The following MAP3K21 variants were observed in gnomAD, a reference collection of about 807,000 sequenced individuals.
MAP3K21 encodes the protein mitogen-activated protein kinase kinase kinase 21.
Under a neutral mutation model 86.1 loss-of-function variants are expected in MAP3K21, and 63 were observed. The observed-to-expected ratio is 0.73, with a 90% CI of 0.60 to 0.90. MAP3K21 has a LOEUF of 0.90. Among genes scored for constraint, MAP3K21 ranks in the 40% least tolerant of loss-of-function variants. The pLI is 0.00. For missense variants in MAP3K21, 1,220 were observed against 1,367.7 expected (o/e 0.89, Z 1.70); for synonymous variants, 558 against 564.8 (o/e 0.99, Z 0.17).
Position 233,327,962 on chromosome 1 carries a change from C to A in MAP3K21, c.-67C>A. ...CCGACGGCCACACCGCCGGACGATGCGCGCCCGCGGCCGCCCGGGAGGCTG... is the reference window on the plus strand; with the variant it reads ...CCGACGGCCACACCGCCGGACGATGAGCGCCCGCGGCCGCCCGGGAGGCTG... On this transcript the variant is annotated 5_prime_UTR_variant, in exon 1 of 10. Coordinates refer to ENST00000366624, the MANE Select transcript of MAP3K21 (RefSeq NM_032435.3). The A allele has an allele frequency of 2.5e-6, 3 of 1,206,038 alleles. No homozygotes were observed. The highest frequency in any genetic ancestry group is 6.7e-5 in the East Asian group (2 of 29,734). 74.7% of individuals were successfully genotyped at this position (1,206,038 alleles called of 1,614,324 possible).
rs1663958779 is a variant in MAP3K21, at chr1:233,383,541, C to A, written c.*830C>A. 1 of 151,916 alleles carries A rather than the reference C, an allele frequency of 6.6e-6. No homozygotes were observed. Among genetic ancestry groups the A allele is most frequent in the Non-Finnish European group, 1.5e-5 (1 of 67,992 alleles). 9.4% of individuals were successfully genotyped at this position (151,916 alleles called of 1,614,324 possible). On this transcript the variant is annotated 3_prime_UTR_variant, in exon 10 of 10. Coordinates refer to ENST00000366624, the MANE Select transcript of MAP3K21 (RefSeq NM_032435.3). ...TTTCCTATAGAAAACATTCTTCCTC[C>A]ATCAGTAGCCCTTTATTTGATATTC...
chr1:233,345,624 C>G (rs977134219), intron 1 of MAP3K21, among the ~76,000 whole-genome samples: 2 of 151,866 alleles, frequency 1.3e-5, no homozygotes, highest in Admixed American at 1.3e-4. Context: ...GGAGAAATAC[C>G]TAATGTAAAT....
intron 1 of MAP3K21, among the ~76,000 whole-genome samples, chr1:233,333,955 C>T (rs1284389538): frequency 6.6e-6 from 1 of 152,112 alleles, no homozygotes; most frequent in Non-Finnish European, 1.5e-5. Context: ...CTCCGTCTCC[C>T]GGGTTCACGC....
intron 6 of MAP3K21, chr1:233,372,762 A>G (rs185016244): frequency 1.3e-5 from 2 of 152,362 alleles, no homozygotes; most frequent in East Asian, 3.9e-4. Context: ...GATGAAATAA[A>G]ATTACTAATT....
intron 2 of MAP3K21, 81 bp downstream of exon 2, chr1:233,346,703 C>A: frequency 1.6e-6 from 2 of 1,257,206 alleles, no homozygotes; most frequent in Non-Finnish European, 2.2e-6. Flanking sequence ...TTCAGTAATT[C>A]TCAGCATAAA....
chr1:233,329,356 C>G (rs554606275), intron 1 of MAP3K21, among the ~76,000 whole-genome samples: 14 of 152,262 alleles, frequency 9.2e-5, no homozygotes, highest in African/African-American at 3.4e-4. Flanking sequence ...TGTTTTCATT[C>G]AAATGTCTCT....
chr1:233,374,699 GTA>G, intron 6 of MAP3K21, among the ~76,000 whole-genome samples: 1 of 148,440 alleles, frequency 6.7e-6, no homozygotes, highest in Non-Finnish European at 1.5e-5. Flanking sequence ...TCTCCTCTGT[GTA>G]TGTATGTGTG....
Position 233,328,421 on chromosome 1 carries a change from C to G in MAP3K21, c.393C>G (p.Gly131=). 1 of 1,493,572 alleles carries G rather than the reference C, an allele frequency of 6.7e-7. No individual in the cohort carries two copies. Among genetic ancestry groups the G allele is most frequent in the Non-Finnish European group, 8.9e-7 (1 of 1,129,830 alleles). 92.5% of individuals were successfully genotyped at this position (1,493,572 alleles called of 1,614,324 possible). ...FERLELKELI[G]AGGFGQVYRA... is the part of the protein sequence containing the mutation. ...GGCTGGAGCTGAAGGAGCTCATCGG[C>G]GCTGGGGGCTTCGGGCAGGTGTACC... is the stretch of plus-strand genomic sequence containing the variant. The change falls in exon 1 of 10, where the codon GGC becomes GGG. Residue 131 remains glycine, a synonymous_variant. Coordinates refer to ENST00000366624, the MANE Select transcript of MAP3K21 (RefSeq NM_032435.3). The surrounding 1 kb of genome is among the most constrained non-coding windows in gnomAD (Gnocchi z 8.7).
At chr1:233,349,442 G>A (rs1204098792) in intron 2 of MAP3K21, among the ~76,000 whole-genome samples, 2 of 152,032 alleles carry the variant, frequency 1.3e-5, no homozygotes, top group Non-Finnish European at 2.9e-5. Flanking sequence ...CCAGGTATAC[G>A]AATGCTGTGC....
intron 4 of MAP3K21, among the ~76,000 whole-genome samples, chr1:233,357,353 T>C (rs535157738): frequency 6.6e-6 from 1 of 151,558 alleles, no homozygotes; most frequent in Non-Finnish European, 1.5e-5. Flanking sequence ...TGTATACATA[T>C]GTAAGAAACC....
intron 5 of MAP3K21, among the ~76,000 whole-genome samples, 154 bp downstream of exon 5, chr1:233,362,447 T>C (rs1181789701): frequency 6.6e-6 from 1 of 152,162 alleles, no homozygotes; most frequent in Non-Finnish European, 1.5e-5. Flanking sequence ...GATTCATGGT[T>C]CTAATGTAAT....
At chr1:233,374,575 A>C (rs1470324279) in intron 6 of MAP3K21, among the ~76,000 whole-genome samples, 1 of 152,114 alleles carries the variant, frequency 6.6e-6, no homozygotes, top group Non-Finnish European at 1.5e-5. Flanking sequence ...AACATCATCC[A>C]CAATGTGTCC....
At chr1:233,333,964 G>C (rs1045105819) in intron 1 of MAP3K21, among the ~76,000 whole-genome samples, 2 of 152,092 alleles carry the variant, frequency 1.3e-5, no homozygotes, top group African/African-American at 4.8e-5. Flanking sequence ...CCGGGTTCAC[G>C]CCATTCTCCT....
intron 6 of MAP3K21, chr1:233,372,414 C>T: frequency 2.3e-6 from 1 of 435,684 alleles, no homozygotes; most frequent in Non-Finnish European, 4.0e-6. Context: ...GAAAGTGAAA[C>T]ACCACATCTC....
In MAP3K21 at chr1:233,327,975, G is replaced by T; in HGVS notation, c.-54G>T. On this transcript the variant is annotated 5_prime_UTR_variant, in exon 1 of 10. Transcript: ENST00000366624. ...CGCCGGACGATGCGCGCCCGCGGCC[G>T]CCCGGGAGGCTGAGCCCAGCTTCCC... 2 of 1,230,578 alleles carry T rather than the reference G, an allele frequency of 1.6e-6. No individual in the cohort carries two copies. The highest frequency in any genetic ancestry group is 2.0e-6 in the Non-Finnish European group (2 of 987,132). 76.2% of individuals were successfully genotyped at this position (1,230,578 alleles called of 1,614,324 possible).
chr1:233,346,956 G>A (rs956908915), intron 2 of MAP3K21, among the ~76,000 whole-genome samples: 2 of 152,154 alleles, frequency 1.3e-5, no homozygotes, highest in Non-Finnish European at 2.9e-5. Context: ...GCTCATTGTA[G>A]CCTCAACCTC....
chr1:233,331,221 A>G (rs887731662), intron 1 of MAP3K21, among the ~76,000 whole-genome samples: 9 of 152,242 alleles, frequency 5.9e-5, no homozygotes, highest in African/African-American at 9.6e-5. Context: ...TTTAATTTCT[A>G]TAATTGTCAG....
At chr1:233,361,178 C>T (rs953096609) in intron 4 of MAP3K21, among the ~76,000 whole-genome samples, 1 of 152,108 alleles carries the variant, frequency 6.6e-6, no homozygotes, top group Non-Finnish European at 1.5e-5. Flanking sequence ...TTTGTAGAGT[C>T]CTCAGTTTTA....
chr1:233,354,076 C>A, intron 3 of MAP3K21, 121 bp downstream of exon 3: 1 of 1,176,726 alleles, frequency 8.5e-7, no homozygotes, highest in Admixed American at 3.2e-5. Flanking sequence ...TTAAGTAACC[C>A]TAGTATTTTA....
Sources: allele counts gnomAD v4.1 joint callset (sites outside exome capture counted in the v4.1 genomes callset), GRCh38; gene constraint gnomAD v4.1.1; non-coding constraint Gnocchi (gnomAD v3.1); transcripts MANE v1.5; gene names NCBI Gene and HGNC (gene_info 2026-07-23, HGNC 2026-07-21).